YTHDC2: variants seen among roughly 807,000 people sequenced by gnomAD.
The protein encoded by YTHDC2 is YTH N6-methyladenosine RNA binding protein C2, also known as 3'-5' RNA helicase YTHDC2.
Under a neutral mutation model 174.9 loss-of-function variants are expected in YTHDC2, and 45 were observed. The observed-to-expected ratio is 0.26, with a 90% CI of 0.20 to 0.33. YTHDC2 has a LOEUF of 0.33. Among genes scored for constraint, YTHDC2 ranks in the 10% least tolerant of loss-of-function variants. The pLI, the probability that YTHDC2 is intolerant of heterozygous loss-of-function variation, is 1.00. For synonymous variants in YTHDC2, 657 were observed against 574.5 expected, an observed-to-expected ratio of 1.14 and a Z score of -2.05; for missense variants, 1,650 against 1,723.7, an observed-to-expected ratio of 0.96 and a Z score of 0.76.
chr5:113,579,769 T>C, intron 24 of YTHDC2, 74 bp downstream of exon 24: 1 of 1,392,328 alleles, frequency 7.2e-7, no homozygotes, highest in Non-Finnish European at 9.4e-7. Flanking sequence ...TATGATAAAA[T>C]TTTTTTCTTT....
intron 2 of YTHDC2, among the ~76,000 whole-genome samples, chr5:113,518,638 A>G (rs933376361): frequency 2.5e-4 from 37 of 150,528 alleles, no homozygotes; most frequent in African/African-American, 9.0e-4. Flanking sequence ...CTTAGTACCT[A>G]TTTGAGAGGC....
intron 16 of YTHDC2, among the ~76,000 whole-genome samples, chr5:113,554,826 C>A (rs764675088): frequency 6.6e-6 from 1 of 151,186 alleles, no homozygotes; most frequent in Non-Finnish European, 1.5e-5. Flanking sequence ...AGATAACATT[C>A]GCTGAAAAAA....
chr5:113,582,611 A>C (rs1041675080), intron 25 of YTHDC2: 2 of 152,288 alleles, frequency 1.3e-5, no homozygotes, highest in African/African-American at 4.8e-5. Flanking sequence ...ACTGGTAGAA[A>C]AGTCTCTGTA....
intron 29 of YTHDC2, 24 bp from the exon 30 acceptor site, chr5:113,593,457 TC>T: frequency 3.9e-6 from 5 of 1,279,846 alleles, no homozygotes; most frequent in Non-Finnish European, 5.5e-6. Flanking sequence ...AGATTATTTA[TC>T]TTTTTTTTTC....
At chr5:113,586,669 G>A (rs564107300) in intron 26 of YTHDC2, among the ~76,000 whole-genome samples, 286 of 151,158 alleles carry the variant, frequency 1.9e-3, no homozygotes, top group Non-Finnish European at 3.0e-3. Flanking sequence ...TTTATTTTAA[G>A]TTAATTTTCG....
At chr5:113,582,522 G>GA (rs1561704842) in intron 25 of YTHDC2, 2 of 152,126 alleles carry the variant, frequency 1.3e-5, no homozygotes, top group East Asian at 3.8e-4. Flanking sequence ...TCAAATTTAA[G>GA]TTATTTTATA....
intron 20 of YTHDC2, 48 bp from the exon 21 acceptor site, chr5:113,565,845 A>G (rs368475273): frequency 1.3e-6 from 2 of 1,578,898 alleles, no homozygotes; most frequent in Non-Finnish European, 1.7e-6. Context: ...CCTCACTAAG[A>G]AGCGATTAGT....
chr5:113,545,044 A>T (rs992670202), intron 10 of YTHDC2, among the ~76,000 whole-genome samples: 7 of 152,166 alleles, frequency 4.6e-5, no homozygotes, highest in African/African-American at 1.7e-4. Flanking sequence ...TTTATTCATT[A>T]TAAATTTTAT....
At chr5:113,519,761 T>C (rs1773735068) in intron 2 of YTHDC2, among the ~76,000 whole-genome samples, 1 of 152,240 alleles carries the variant, frequency 6.6e-6, no homozygotes, top group Non-Finnish European at 1.5e-5. Flanking sequence ...GGATTATCAT[T>C]TAATCCTAAC....
At chr5:113,577,640 G>T (rs1187399580) in intron 23 of YTHDC2, among the ~76,000 whole-genome samples, 1 of 152,144 alleles carries the variant, frequency 6.6e-6, no homozygotes. Context: ...AAAGTGTTGG[G>T]ATTACAGGCG....
intron 26 of YTHDC2, among the ~76,000 whole-genome samples, chr5:113,589,040 A>G (rs1158855164): frequency 2.0e-5 from 3 of 152,144 alleles, no homozygotes; most frequent in Non-Finnish European, 4.4e-5. Flanking sequence ...AGTTACCTTT[A>G]TGAAGATTTC....
chr5:113,588,572 A>G lies in YTHDC2; in HGVS notation c.3826-2469A>G, dbSNP rs540244064. Among the ~76,000 whole-genome samples the G allele has an allele frequency of 8.7e-4, 132 of 151,814 alleles. 1 individual carries two copies. Among genetic ancestry groups the G allele is most frequent in the Admixed American group, 4.6e-3 (70 of 15,204 alleles). Reference sequence around the variant, plus strand: ...AATTGGTATTATTTCTTCCTTGAATATTTGATAGAATTCACTTATGAAGCC... The same window carrying G: ...AATTGGTATTATTTCTTCCTTGAATGTTTGATAGAATTCACTTATGAAGCC... On this transcript the variant is annotated intron_variant, in intron 26 of 29. Coordinates refer to ENST00000161863, the MANE Select transcript of YTHDC2 (RefSeq NM_022828.5).
At chr5:113,537,817 T>C (rs1195581320) in intron 7 of YTHDC2, among the ~76,000 whole-genome samples, 1 of 152,136 alleles carries the variant, frequency 6.6e-6, no homozygotes, top group Non-Finnish European at 1.5e-5. Flanking sequence ...TCTCTTCTTG[T>C]GTTACCTGTC....
chr5:113,540,223 C>T (rs1238235314), intron 8 of YTHDC2, among the ~76,000 whole-genome samples: 2 of 152,172 alleles, frequency 1.3e-5, no homozygotes, highest in Admixed American at 6.5e-5. Context: ...AATTGTATCT[C>T]AGAAAACTAG....
rs1402277803 is a variant in YTHDC2 at position 113,559,085 on chromosome 5, AG to A, written c.2217-1992del. 3.3e-5 allele frequency among the ~76,000 whole-genome samples: 5 copies of A among 152,266 alleles called. No homozygotes were observed. In the East Asian group the frequency reaches 9.7e-4, roughly 29 times the overall value. ...GTAGTGTAAGAAGAGCAGATGGCTA[AG>A]GGTTCAATCTCAGAGGACCATAAAC... On this transcript the variant is annotated intron_variant, in intron 17 of 29. Transcript: ENST00000161863.
At chr5:113,536,223 C>T (rs537674674) in intron 7 of YTHDC2, among the ~76,000 whole-genome samples, 2 of 152,176 alleles carry the variant, frequency 1.3e-5, no homozygotes, top group African/African-American at 2.4e-5. Context: ...ATAAATTCCT[C>T]TTCAAAAAAT....
Position 113,536,296 on chromosome 5 carries a change from C to T in YTHDC2, c.1102+498C>T, listed in dbSNP as rs113152379. On this transcript the variant is annotated intron_variant, in intron 7 of 29. Coordinates refer to ENST00000161863, the MANE Select transcript of YTHDC2 (RefSeq NM_022828.5). ...ATCCCAGCACTTTGGGAGGCCAAGG[C>T]AGGTGGATCACGAGTTCAGGAGATG... Among the ~76,000 whole-genome samples the T allele has an allele frequency of 2.9e-3, 449 of 152,278 alleles. 3 individuals carry two copies. Among genetic ancestry groups the T allele is most frequent in the African/African-American group, 0.01 (420 of 41,558 alleles).
chr5:113,531,186 C>T (rs1442298702), intron 4 of YTHDC2, among the ~76,000 whole-genome samples: 1 of 151,490 alleles, frequency 6.6e-6, no homozygotes, highest in Non-Finnish European at 1.5e-5. Flanking sequence ...GTTGGTGGTA[C>T]TTACGCATTT....
rs57601831 is a variant in YTHDC2 at position 113,567,839 on chromosome 5, A to G, written c.3234A>G (p.Ser1078=). ...CAAGTAATGCTCTTCAGGAACCTTC[A>G]TCCTTTAGAGGTAAATGTATTAAGG... ...RLASNALQEP[S]SFRVDGIPND... Residue 1078 remains serine (S), a synonymous_variant, in exon 23 of 30, where the codon TCA becomes TCG. Transcript: ENST00000161863. 6.4e-3 allele frequency: 9,988 copies of G among 1,553,990 alleles called. 571 individuals carry two copies. In the African/African-American group the frequency reaches 0.12, roughly 19 times the overall value.
Sources: gnomAD v4.1 joint callset for allele counts (sites outside exome capture counted in the v4.1 genomes callset) on GRCh38, gnomAD v4.1.1 for gene constraint, MANE v1.5 for transcripts, NCBI Gene and HGNC (gene_info 2026-07-23, HGNC 2026-07-21) for gene names.